SCML2: variants seen among roughly 807,000 people sequenced by gnomAD.
SCML2 encodes the protein Scm polycomb group protein like 2, also known as sex comb on midleg-like protein 2.
In SCML2, 6 loss-of-function variants were observed where a neutral mutation model predicts 48.4. That is an observed-to-expected ratio of 0.12 (90% confidence interval 0.07 to 0.24). SCML2 has a LOEUF of 0.24. SCML2 is among the 10% of genes least tolerant of loss of function. The pLI is 1.00. For synonymous variants in SCML2, 181 were observed against 189.5 expected (o/e 0.95, Z 0.37); for missense variants, 377 against 528.2 (o/e 0.71, Z 2.81).
chrX:18,337,517 A>G (rs1002238828), intron 1 of SCML2, among the ~76,000 whole-genome samples: 1 of 110,557 alleles, frequency 9.0e-6, no homozygotes. Flanking sequence ...GTTATCAAGG[A>G]TAAAGCCGGG....
chrX:18,258,270 T>C (rs1435113161), intron 9 of SCML2, 23 bp from the exon 10 acceptor site: 3 of 1,141,524 alleles, frequency 2.6e-6, no homozygotes, highest in South Asian at 1.8e-5. Context: ...TGCGTATGCA[T>C]ACATAACAAT....
intron 3 of SCML2, among the ~76,000 whole-genome samples, chrX:18,329,895 C>G (rs765459773): frequency 9.0e-6 from 1 of 111,601 alleles, no homozygotes; most frequent in Non-Finnish European, 1.9e-5. Flanking sequence ...CTAGCCAGCA[C>G]AGTGAAACCC....
intron 5 of SCML2, 41 bp from the exon 6 acceptor site, chrX:18,320,461 TTG>T (rs1401829365): frequency 1.2e-6 from 1 of 829,328 alleles, no homozygotes; most frequent in African/African-American, 2.0e-5. Context: ...AAAAGCCTCC[TTG>T]TGATACTATT....
At chrX:18,343,172 T>C (rs561756205) in intron 1 of SCML2, among the ~76,000 whole-genome samples, 9 of 105,091 alleles carry the variant, frequency 8.6e-5, no homozygotes, top group South Asian at 8.5e-4. Context: ...CCCACCTCCC[T>C]TTTTTTTTTA....
At chrX:18,266,748 G>T (rs981397108) in intron 7 of SCML2, among the ~76,000 whole-genome samples, 1 of 111,912 alleles carries the variant, frequency 8.9e-6, no homozygotes, top group East Asian at 2.8e-4. Flanking sequence ...CAAAGACTAT[G>T]TACATGTAAA....
intron 14 of SCML2, among the ~76,000 whole-genome samples, chrX:18,241,716 G>C (rs1171468561): frequency 8.9e-6 from 1 of 111,807 alleles, no homozygotes; most frequent in African/African-American, 3.3e-5. Context: ...AATTTCAGAT[G>C]ATCAATAACT....
Position 18,310,654 on chromosome X carries a change from T to C in SCML2, c.487-5439A>G, listed in dbSNP as rs192146055. ...AAAAGACAGGGTCTCCTCACTATGT[T>C]GCCCAGGCTGGACTCAAATCTCCTG... is the stretch of plus-strand genomic sequence containing the variant. On this transcript the variant is annotated intron_variant, in intron 6 of 14. Coordinates refer to ENST00000251900, the MANE Select transcript of SCML2 (RefSeq NM_006089.3). Among the ~76,000 whole-genome samples, 347 of 110,253 alleles carry C rather than the reference T, an allele frequency of 3.1e-3. 1 individual carries two copies. Among genetic ancestry groups the C allele is most frequent in the Non-Finnish European group, 3.5e-3 (187 of 52,822 alleles).
At chrX:18,327,731 C>T (rs1051682008) in intron 3 of SCML2, among the ~76,000 whole-genome samples, 1 of 111,594 alleles carries the variant, frequency 9.0e-6, no homozygotes, top group African/African-American at 3.3e-5. Context: ...GCCTCAGGTT[C>T]GTTGGTTTTT....
At chrX:18,337,241 G>A (rs1929850329) in intron 1 of SCML2, among the ~76,000 whole-genome samples, 1 of 94,228 alleles carries the variant, frequency 1.1e-5, no homozygotes, top group Non-Finnish European at 2.0e-5. Context: ...GGTGGAGGTT[G>A]CAGTGAGCCA....
chrX:18,256,894 G>A lies in SCML2; in HGVS notation c.1410C>T (p.Ser470=). 5.0e-6 allele frequency: 6 copies of A among 1,206,218 alleles called. No individual in the cohort carries two copies. The highest frequency in any genetic ancestry group is 6.7e-6 in the Non-Finnish European group (6 of 893,309). ...CTGCAGAGCTGTGAGTATGACCCCT[G>A]GAAGAACTAAAAGGCTGGCTACTCA... ...NLLSSQPFSS[S]RGHTHSSAEH... Residue 470 remains serine (S), a synonymous_variant, in exon 11 of 15, where the codon TCC becomes TCT. Transcript: ENST00000251900.
chrX:18,284,609 C>T (rs1402650498), intron 7 of SCML2, among the ~76,000 whole-genome samples: 1 of 112,512 alleles, frequency 8.9e-6, no homozygotes, highest in Non-Finnish European at 1.9e-5. Context: ...TGAACAGACA[C>T]TTCTCAAAAG....
intron 11 of SCML2, among the ~76,000 whole-genome samples, chrX:18,256,403 G>T (rs931249789): frequency 9.0e-6 from 1 of 111,514 alleles, no homozygotes; most frequent in African/African-American, 3.3e-5. Context: ...AGTGAGCCGA[G>T]ATTGTGCCAC....
intron 1 of SCML2, among the ~76,000 whole-genome samples, chrX:18,335,845 A>G (rs1242988970): frequency 8.9e-6 from 1 of 112,424 alleles, no homozygotes; most frequent in African/African-American, 3.2e-5. Context: ...CTGATCATCA[A>G]AATCCTCATA....
intron 7 of SCML2, among the ~76,000 whole-genome samples, chrX:18,280,026 G>C (rs1019034349): frequency 2.7e-5 from 3 of 111,410 alleles, no homozygotes; most frequent in African/African-American, 9.8e-5. Context: ...ACACCAGCTA[G>C]ACGGTCAAGA....
intron 13 of SCML2, among the ~76,000 whole-genome samples, chrX:18,242,900 A>G (rs1926317262): frequency 8.9e-6 from 1 of 112,065 alleles, no homozygotes; most frequent in African/African-American, 3.2e-5. Context: ...AAGATCTGTT[A>G]CTCGGGTAAA....
At chrX:18,248,451 C>A (rs1460702089) in intron 11 of SCML2, among the ~76,000 whole-genome samples, 2 of 112,097 alleles carry the variant, frequency 1.8e-5, no homozygotes, top group African/African-American at 3.2e-5. Flanking sequence ...CCTGATTTAA[C>A]CTCCAACTAA....
At chrX:18,308,291 A>AAGGAAGGG (rs1335229904) in intron 6 of SCML2, among the ~76,000 whole-genome samples, 58 of 86,582 alleles carry the variant, frequency 6.7e-4, no homozygotes, top group African/African-American at 2.4e-3. Flanking sequence ...AACAGGAAGG[A>AAGGAAGGG]AGGAAGGGAG....
At chrX:18,354,728 C>A (rs1930489068), upstream of SCML2, 2 of 239,577 alleles carry the variant, frequency 8.3e-6, no homozygotes, top group African/African-American at 5.8e-5. Context: ...CACTGCCGCC[C>A]CGCCCCCCGC....
intron 3 of SCML2, 108 bp downstream of exon 3, chrX:18,330,479 C>T (rs1361503578): frequency 2.4e-6 from 1 of 412,804 alleles, no homozygotes; most frequent in African/African-American, 2.5e-5. Context: ...TTACAGTATA[C>T]AGACTGTACA....
Sources: gnomAD v4.1 joint callset for allele counts (sites outside exome capture counted in the v4.1 genomes callset) on GRCh38, gnomAD v4.1.1 for gene constraint, MANE v1.5 for transcripts, NCBI Gene and HGNC (gene_info 2026-07-23, HGNC 2026-07-21) for gene names.